Variants in USP14 observed in about 807,000 individuals in gnomAD.
USP14 encodes ubiquitin specific peptidase 14, also known as ubiquitin carboxyl-terminal hydrolase 14.
A neutral mutation model predicts 76.5 loss-of-function variants in USP14; 38 were observed. The observed-to-expected ratio is 0.50, with a 90% CI of 0.38 to 0.65. The LOEUF (loss-of-function observed/expected upper bound fraction) is 0.65. Among genes scored for constraint, USP14 ranks in the 30% least tolerant of loss-of-function variants. USP14 has a pLI of 0.00. For missense variants in USP14, 467 were observed against 586.5 expected (o/e 0.80, Z 2.10); for synonymous variants, 192 against 191.7 (o/e 1.00, Z -0.01).
At chr18:163,578 C>A in intron 2 of USP14, 125 bp downstream of exon 2, 2 of 1,100,154 alleles carry the variant, frequency 1.8e-6, no homozygotes, top group Non-Finnish European at 2.5e-6. Flanking sequence ...GAGAGTATGT[C>A]AGCTATGGTG....
At chr18:181,239 TA>T in intron 5 of USP14, among the ~76,000 whole-genome samples, 2 of 152,292 alleles carry the variant, frequency 1.3e-5, no homozygotes, top group African/African-American at 2.4e-5. Flanking sequence ...AACGTTTTCA[TA>T]TAGTAACTCT....
chr18:198,294 A>G (rs1213278129), intron 9 of USP14, among the ~76,000 whole-genome samples, 162 bp downstream of exon 9: 3 of 152,232 alleles, frequency 2.0e-5, no homozygotes, highest in East Asian at 3.9e-4. Context: ...CTGGATTGCA[A>G]TGGTGTGATC....
At chr18:171,277 A>G (rs897163899) in intron 3 of USP14, among the ~76,000 whole-genome samples, 7 of 152,112 alleles carry the variant, frequency 4.6e-5, no homozygotes, top group Admixed American at 2.6e-4. Context: ...TAAGCCTTTC[A>G]TAGCTAGAGA....
intron 5 of USP14, among the ~76,000 whole-genome samples, chr18:188,525 TC>T (rs761795940): frequency 0.019 from 2,810 of 146,774 alleles, 111 homozygotes; most frequent in African/African-American, 0.063. Flanking sequence ...TTTTTTTTTT[TC>T]CTTTGTGAGG....
At chr18:165,500 T>C (rs981374303) in intron 2 of USP14, among the ~76,000 whole-genome samples, 15 of 152,306 alleles carry the variant, frequency 9.8e-5, no homozygotes, top group African/African-American at 3.6e-4. Flanking sequence ...TATAGAAGTA[T>C]GCGAATTAAA....
At chr18:174,735 G>C (rs1431290803) in intron 3 of USP14, among the ~76,000 whole-genome samples, 2 of 151,768 alleles carry the variant, frequency 1.3e-5, no homozygotes, top group Non-Finnish European at 2.9e-5. Context: ...CTCCTGAGTA[G>C]TTGGGACTAT....
In USP14 at chr18:166,790, G is replaced by T; in HGVS notation, c.166G>T (p.Asp56Tyr). The T allele has an allele frequency of 6.2e-7, 1 of 1,612,054 alleles. No homozygotes were observed. ...VMVKGGTLKD[D>Y]DWGNIKIKNG... ...CTTTTGTTTGTCTTTGAAACAGGAT[G>T]ATGATTGGGGAAACATCAAAATAAA... The change falls in exon 3 of 16, where the codon GAT (aspartate) becomes TAT (tyrosine). Residue 56 changes from aspartate (D) to tyrosine (Y), a missense_variant. Transcript: ENST00000261601.
intron 3 of USP14, among the ~76,000 whole-genome samples, chr18:176,674 A>G (rs1303497246): frequency 6.6e-6 from 1 of 152,128 alleles, no homozygotes. Flanking sequence ...AGCTAGTTAC[A>G]TCAATTGTTA....
intron 5 of USP14, among the ~76,000 whole-genome samples, chr18:184,595 C>T (rs902678416): frequency 3.3e-5 from 5 of 152,046 alleles, no homozygotes; most frequent in African/African-American, 9.7e-5. Flanking sequence ...CTCTACAAAA[C>T]AGACAAACAA....
chr18:162,289 T>C (rs1346150612), intron 1 of USP14, among the ~76,000 whole-genome samples: 2 of 152,228 alleles, frequency 1.3e-5, no homozygotes, highest in African/African-American at 4.8e-5. Flanking sequence ...ATGGTAATTC[T>C]ATGTTTACTT....
intron 5 of USP14, among the ~76,000 whole-genome samples, chr18:192,522 G>A (rs1462343923): frequency 6.6e-6 from 1 of 152,170 alleles, no homozygotes; most frequent in Admixed American, 6.5e-5. Context: ...TCAAGATCAT[G>A]CCATTGCACT....
At chr18:196,902 G>GAC in intron 7 of USP14, 135 bp downstream of exon 7, 1 of 1,124,952 alleles carries the variant, frequency 8.9e-7, no homozygotes. Context: ...CTCTTGCCTG[G>GAC]AGCCGCACAG....
chr18:171,318 G>C (rs1475101620), intron 3 of USP14, among the ~76,000 whole-genome samples: 1 of 152,022 alleles, frequency 6.6e-6, no homozygotes, highest in Non-Finnish European at 1.5e-5. Flanking sequence ...TCAAAGGCCA[G>C]ACTGACTGTC....
At chr18:173,392 T>G (rs895083337) in intron 3 of USP14, among the ~76,000 whole-genome samples, 10 of 151,862 alleles carry the variant, frequency 6.6e-5, no homozygotes, top group Non-Finnish European at 1.3e-4. Context: ...ATTACAGGCT[T>G]GAGCCACCAT....
chr18:181,298 G>A (rs936304869), intron 5 of USP14, among the ~76,000 whole-genome samples: 1 of 152,134 alleles, frequency 6.6e-6, no homozygotes, highest in Non-Finnish European at 1.5e-5. Flanking sequence ...CAAAGTGACG[G>A]TACCATTTTA....
In USP14 at chr18:163,450, A is replaced by G. The variant is rs1909181400; in HGVS notation, c.159A>G (p.Leu53=). The G allele has an allele frequency of 1.2e-6, 2 of 1,611,404 alleles. No homozygotes were observed. Among genetic ancestry groups the G allele is most frequent in the African/African-American group, 2.7e-5 (2 of 74,840 alleles). ...RQKVMVKGGT[L]KDDDWGNIKI... ...AAGTTATGGTGAAAGGAGGAACGCT[A>G]AAGGTAAAATGTAGTCCAAATTTTC... The change falls in exon 2 of 16, where the codon CTA becomes CTG. Residue 53 remains leucine (L), a synonymous_variant. Coordinates refer to ENST00000261601, the MANE Select transcript of USP14 (RefSeq NM_005151.4).
intron 14 of USP14, 24 bp downstream of exon 14, chr18:210,055 T>C (rs771305270): frequency 6.4e-7 from 1 of 1,563,486 alleles, no homozygotes; most frequent in Non-Finnish European, 8.7e-7. Context: ...TCATTTTAAT[T>C]GAGTTATTGT....
At chr18:191,687 G>A (rs1272938139) in intron 5 of USP14, among the ~76,000 whole-genome samples, 1 of 152,040 alleles carries the variant, frequency 6.6e-6, no homozygotes. Context: ...TTTTGTTCTG[G>A]CTTGTTTCAC....
intron 1 of USP14, 22 bp downstream of exon 1, chr18:158,736 C>G: frequency 6.7e-7 from 1 of 1,495,274 alleles, no homozygotes; most frequent in Non-Finnish European, 8.8e-7. Context: ...CCTGGCCTCG[C>G]GCGCAGCACA....
Sources: allele counts gnomAD v4.1 joint callset (sites outside exome capture counted in the v4.1 genomes callset), GRCh38; gene constraint gnomAD v4.1.1; transcripts MANE v1.5; gene names NCBI Gene and HGNC (gene_info 2026-07-23, HGNC 2026-07-21).